PRKD1: variants seen among roughly 807,000 people sequenced by gnomAD.
The protein encoded by PRKD1 is serine/threonine-protein kinase D1.
A neutral mutation model predicts 95.9 loss-of-function variants in PRKD1; 63 were observed. The ratio of observed to expected loss-of-function variants is 0.66; its 90% confidence interval spans 0.54 to 0.81. PRKD1 has a LOEUF of 0.81. Ranked by LOEUF, PRKD1 falls within the 30% of genes least tolerant of loss-of-function variation. PRKD1 has a pLI of 0.00. For missense variants in PRKD1, 1,048 were observed against 1,165.3 expected (o/e 0.90, Z 1.47); for synonymous variants, 425 against 423.1 (o/e 1.00, Z -0.05).
At chr14:29,875,503 T>C (rs532140432) in intron 1 of PRKD1, among the ~76,000 whole-genome samples, 1 of 152,354 alleles carries the variant, frequency 6.6e-6, no homozygotes, top group South Asian at 2.1e-4. Flanking sequence ...CTCATTTCTG[T>C]TATTGTTGGC....
intron 1 of PRKD1, among the ~76,000 whole-genome samples, chr14:29,832,922 T>C (rs1272302294): frequency 6.6e-6 from 1 of 152,086 alleles, no homozygotes; most frequent in Non-Finnish European, 1.5e-5. Flanking sequence ...GGTATCACAC[T>C]TTGTATATGC....
chr14:29,686,887 G>A (rs774705547), intron 2 of PRKD1, among the ~76,000 whole-genome samples: 4 of 152,130 alleles, frequency 2.6e-5, no homozygotes, highest in Non-Finnish European at 5.9e-5. Context: ...TGCAGATCAC[G>A]GCACAGAACT....
chr14:29,811,948 G>A (rs963415010), intron 1 of PRKD1: 1 of 152,044 alleles, frequency 6.6e-6, no homozygotes, highest in Admixed American at 6.6e-5. Flanking sequence ...TACTAAAATT[G>A]GACAATAGTG....
At chr14:29,772,793 C>T (rs549054930) in intron 1 of PRKD1, among the ~76,000 whole-genome samples, 3 of 152,272 alleles carry the variant, frequency 2.0e-5, no homozygotes, top group South Asian at 4.1e-4. Flanking sequence ...CCTGCAAAAA[C>T]GATGCCCATT....
chr14:29,877,919 A>AT (rs1400666673), intron 1 of PRKD1, among the ~76,000 whole-genome samples: 1 of 152,084 alleles, frequency 6.6e-6, no homozygotes, highest in Non-Finnish European at 1.5e-5. Context: ...TAAATGGCCG[A>AT]TTGGATGAGG....
chr14:29,730,604 CAA>C (rs1464107201), intron 1 of PRKD1, among the ~76,000 whole-genome samples: 1 of 151,970 alleles, frequency 6.6e-6, no homozygotes, highest in Non-Finnish European at 1.5e-5. Flanking sequence ...TCACAATAGC[CAA>C]GATATGAAAT....
At chr14:29,830,267 AC>A (rs1452302661) in intron 1 of PRKD1, among the ~76,000 whole-genome samples, 1 of 152,178 alleles carries the variant, frequency 6.6e-6, no homozygotes, top group Non-Finnish European at 1.5e-5. Flanking sequence ...GATACAGTGT[AC>A]TACAAATTGT....
In PRKD1 at chr14:29,776,077, T is replaced by G. The variant is rs962837815; in HGVS notation, c.265-50403A>C. Among the ~76,000 whole-genome samples the G allele has an allele frequency of 2.6e-5, 4 of 152,170 alleles. No homozygotes were observed. In the East Asian group the frequency reaches 7.7e-4, roughly 29 times the overall value. ...CAGCAAACTCCAACAGACCTGCAGC[T>G]GAGGGTCCTGACTGTCAGAAGGAAA... On this transcript the variant is annotated intron_variant, in intron 1 of 17. Transcript: ENST00000331968.
chr14:29,799,961 G>A (rs1031779667), intron 1 of PRKD1, among the ~76,000 whole-genome samples: 2 of 152,012 alleles, frequency 1.3e-5, no homozygotes, highest in East Asian at 3.9e-4. Context: ...CTCAAAAGGA[G>A]CCCCAAGCAT....
In PRKD1 at chr14:29,577,455, T is replaced by C. The variant is rs369158333; in HGVS notation, c.2522A>G (p.Asp841Gly). The C allele has an allele frequency of 3.2e-5, 52 of 1,613,232 alleles. No individual in the cohort carries two copies. The East Asian group carries it at 7.8e-4, about 24-fold the overall frequency. The change falls in exon 18 of 18, where the codon GAC (aspartate) becomes GGC (glycine). Residue 841 changes from aspartate to glycine, a missense_variant and splice_region_variant. Physicochemically the swap from Asp to Gly is moderately conservative, Grantham distance 94. Coordinates refer to ENST00000331968, the MANE Select transcript of PRKD1 (RefSeq NM_002742.3). ...DKTLSHPWLQ[D>G]YQTWLDLREL... ...TCGCAAATCTAACCAGGTCTGATAG[T>C]CCTGAAGAAGAAATTCCAAAATATT...
At chr14:29,743,785 A>G (rs1170974192) in intron 1 of PRKD1, among the ~76,000 whole-genome samples, 1 of 152,160 alleles carries the variant, frequency 6.6e-6, no homozygotes, top group Non-Finnish European at 1.5e-5. Context: ...TCACATTGCC[A>G]GCTTCTATGG....
chr14:29,689,736 C>A (rs1594430926), intron 2 of PRKD1, among the ~76,000 whole-genome samples: 1 of 152,006 alleles, frequency 6.6e-6, no homozygotes, highest in African/African-American at 2.4e-5. Context: ...TGCTCATCAA[C>A]AATAGACTGG....
intron 1 of PRKD1, among the ~76,000 whole-genome samples, chr14:29,826,780 T>TATAC (rs1555348560): frequency 2.5e-5 from 1 of 40,554 alleles, no homozygotes; most frequent in Admixed American, 3.7e-4. Context: ...CACATATATA[T>TATAC]ACATATATAC....
At chr14:29,882,777 C>G (rs1309565582) in intron 1 of PRKD1, among the ~76,000 whole-genome samples, 1 of 152,150 alleles carries the variant, frequency 6.6e-6, no homozygotes, top group Non-Finnish European at 1.5e-5. Context: ...TTTCTTTAAA[C>G]TTAGCATAAC....
At chr14:29,768,596 C>T (rs1594499924) in intron 1 of PRKD1, among the ~76,000 whole-genome samples, 1 of 152,036 alleles carries the variant, frequency 6.6e-6, no homozygotes, top group East Asian at 1.9e-4. Context: ...TGTATCTGGC[C>T]TCAAAACTGA....
chr14:29,797,261 G>A (rs1594527815), intron 1 of PRKD1, among the ~76,000 whole-genome samples: 1 of 152,264 alleles, frequency 6.6e-6, no homozygotes, highest in Admixed American at 6.5e-5. Context: ...GGTCTTTTAG[G>A]AGGATATCAG....
intron 15 of PRKD1, 51 bp downstream of exon 15, chr14:29,598,976 G>A (rs754147865): frequency 7.0e-7 from 1 of 1,420,652 alleles, no homozygotes; most frequent in South Asian, 1.2e-5. Flanking sequence ...CTACATGGAA[G>A]CTAGCAATGC....
chr14:29,889,239 A>T (rs1893851427), intron 1 of PRKD1, among the ~76,000 whole-genome samples: 1 of 152,188 alleles, frequency 6.6e-6, no homozygotes, highest in Non-Finnish European at 1.5e-5. Context: ...CCTCTCCAAG[A>T]GGCCCATTGA....
Position 29,646,807 on chromosome 14 carries a change from C to G in PRKD1, c.697-7903G>C, listed in dbSNP as rs537266518. Among the ~76,000 whole-genome samples the G allele has an allele frequency of 2.3e-4, 35 of 151,342 alleles. No individual in the cohort carries two copies. The South Asian group carries it at 7.3e-3, about 32-fold the overall frequency. On this transcript the variant is annotated intron_variant, in intron 4 of 17. Coordinates refer to ENST00000331968, the MANE Select transcript of PRKD1 (RefSeq NM_002742.3). ...CAACAACACTACATGAATATATTAC[C>G]TCTCACACAGGAGTGGGGATTTTCC...
Sources: gnomAD v4.1 joint callset for allele counts (sites outside exome capture counted in the v4.1 genomes callset) on GRCh38, gnomAD v4.1.1 for gene constraint, MANE v1.5 for transcripts, NCBI Gene and HGNC (gene_info 2026-07-23, HGNC 2026-07-21) for gene names.